TNS1: variants seen among roughly 807,000 people sequenced by gnomAD.
The protein encoded by TNS1 is tensin 1.
In TNS1, 62 loss-of-function variants were observed where a neutral mutation model predicts 168.6. The ratio of observed to expected loss-of-function variants is 0.37; its 90% CI spans 0.30 to 0.45. The LOEUF (loss-of-function observed/expected upper bound fraction) is 0.45. TNS1 is among the 20% of genes least tolerant of loss of function. TNS1 has a pLI of 1.00. For missense variants in TNS1, 2,240 were observed against 2,339.4 expected (o/e 0.96, Z 0.88); for synonymous variants, 934 against 933.2 (o/e 1.00, Z -0.02).
intron 18 of TNS1, chr2:217,859,777 TCCGAGAG>T: frequency 8.4e-7 from 1 of 1,193,148 alleles, no homozygotes; most frequent in Non-Finnish European, 1.2e-6. Context: ...ACCACCCAGA[TCCGAGAG>T]CCATGCAGCT....
At chr2:217,962,336 G>A (rs1296257060) in intron 3 of TNS1, among the ~76,000 whole-genome samples, 3 of 152,188 alleles carry the variant, frequency 2.0e-5, no homozygotes, top group African/African-American at 7.2e-5. Flanking sequence ...CCAGCTACTT[G>A]GGAGGCTGAG....
intron 1 of TNS1, among the ~76,000 whole-genome samples, chr2:218,020,826 G>A (rs1314439370): frequency 6.6e-6 from 1 of 152,182 alleles, no homozygotes; most frequent in African/African-American, 2.4e-5. Context: ...ATACCCCAGA[G>A]CAACCAATCC....
chr2:217,810,994 T>A (rs1214384964), intron 28 of TNS1, among the ~76,000 whole-genome samples: 1 of 152,016 alleles, frequency 6.6e-6, no homozygotes, highest in East Asian at 1.9e-4. Context: ...TTATCCCACA[T>A]TAGCCTCCAG....
chr2:217,875,567 G>C (rs1382028909), intron 18 of TNS1, among the ~76,000 whole-genome samples: 2 of 152,094 alleles, frequency 1.3e-5, no homozygotes, highest in Non-Finnish European at 2.9e-5. Flanking sequence ...ATCTATCCAT[G>C]CCTGTCTATC....
chr2:218,004,259 T>A (rs1958629160), upstream of TNS1, among the ~76,000 whole-genome samples: 1 of 152,230 alleles, frequency 6.6e-6, no homozygotes, highest in Admixed American at 6.5e-5. Context: ...GAGACCTCGT[T>A]CCTAGACTGA....
intron 1 of TNS1, among the ~76,000 whole-genome samples, chr2:218,017,988 G>A (rs1224510819): frequency 2.0e-5 from 3 of 152,220 alleles, no homozygotes; most frequent in Non-Finnish European, 4.4e-5. Context: ...CCAGAAGGTT[G>A]AGGCCAAAAC....
At position 217,901,708 on chromosome 2, in the gene TNS1, A is replaced by G. The variant is rs893764279; in HGVS notation, c.322-1196T>C. The G allele has an allele frequency of 2.0e-5, 3 of 152,136 alleles. No homozygotes were observed. The South Asian group carries it at 6.2e-4, about 32-fold the overall frequency. The allele number at this position is 152,136 out of a possible 1,614,324, so 9.4% of individuals were successfully genotyped here. A position where few individuals can be genotyped will look rare whatever the true frequency, so the allele number is the denominator to read the frequency against. On this transcript the variant is annotated intron_variant, in intron 6 of 32. Transcript: ENST00000682258. ...AAGAAACTGAGGCACAGAATAACTT[A>G]CCCTCAAGTCCCTGGGAAGTTGACG... is the stretch of plus-strand genomic sequence containing the variant.
chr2:217,910,713 T>TACATAC (rs1954284960), intron 4 of TNS1, among the ~76,000 whole-genome samples: 3 of 106,740 alleles, frequency 2.8e-5, no homozygotes, highest in South Asian at 3.5e-4. Context: ...CACATACACA[T>TACATAC]ACACACACAC....
At chr2:217,810,221 T>C in intron 29 of TNS1, 27 bp downstream of exon 29, 4 of 1,612,826 alleles carry the variant, frequency 2.5e-6, no homozygotes, top group Non-Finnish European at 3.4e-6. Flanking sequence ...GGCCTGGGCA[T>C]GGGTACAGTT....
At chr2:218,023,139 G>A (rs971247144) in intron 1 of TNS1, among the ~76,000 whole-genome samples, 9 of 152,198 alleles carry the variant, frequency 5.9e-5, no homozygotes, top group African/African-American at 1.7e-4. Flanking sequence ...GCTACCAAGG[G>A]ACCATTGAGA....
intron 3 of TNS1, among the ~76,000 whole-genome samples, chr2:217,942,885 C>T (rs1223763043): frequency 2.6e-5 from 4 of 152,136 alleles, no homozygotes; most frequent in Non-Finnish European, 5.9e-5. Context: ...CAGGCTTCTC[C>T]GGGTCCCCCC....
At chr2:217,806,874 G>A (rs1374769031) in intron 32 of TNS1, among the ~76,000 whole-genome samples, 1 of 152,208 alleles carries the variant, frequency 6.6e-6, no homozygotes, top group East Asian at 1.9e-4. Flanking sequence ...CCCTTGGGGA[G>A]CTTGCAGGCT....
intron 3 of TNS1, among the ~76,000 whole-genome samples, chr2:217,950,742 C>T (rs952507291): frequency 5.9e-5 from 9 of 151,434 alleles, no homozygotes; most frequent in Admixed American, 3.3e-4. Flanking sequence ...TCTTCTCTTC[C>T]TTCTTCTGTT....
chr2:217,882,465 C>T, intron 16 of TNS1, 54 bp from the exon 17 acceptor site: 6 of 1,318,910 alleles, frequency 4.5e-6, no homozygotes, highest in Non-Finnish European at 6.4e-6. Context: ...AAAAGGATTC[C>T]ATAAAAAGTT....
In TNS1 at chr2:217,917,829, CAA is replaced by C. The variant is rs79888115; in HGVS notation, c.228+2364_228+2365del. Among the ~76,000 whole-genome samples, 48 of 75,952 alleles carry C rather than the reference CAA, an allele frequency of 6.3e-4. No homozygotes were observed. In the East Asian group the frequency reaches 6.7e-3, roughly 11 times the overall value. 49.8% of individuals were successfully genotyped at this position (75,952 alleles called of 152,430 possible). A position where few individuals can be genotyped will look rare whatever the true frequency, so the allele number is the denominator to read the frequency against. ...CTGGGCAACACAGTGAGACTGTTCT[CAA>C]AAAAAAAAAAAAAAAAAGACTTGCG... On this transcript the variant is annotated intron_variant, in intron 4 of 32. Coordinates refer to ENST00000682258, the MANE Select transcript of TNS1 (RefSeq NM_001387777.1).
chr2:217,966,717 G>C (rs1042225079), intron 3 of TNS1, among the ~76,000 whole-genome samples: 2 of 152,180 alleles, frequency 1.3e-5, no homozygotes, highest in Non-Finnish European at 2.9e-5. Flanking sequence ...AGGGAACACT[G>C]ACCCATTGCT....
Position 217,822,090 on chromosome 2 carries a change from C to G in TNS1, c.3374-152G>C, listed in dbSNP as rs1319857848. 2.5e-5 allele frequency: 20 copies of G among 806,138 alleles called. 1 individual carries two copies. The highest frequency in any genetic ancestry group is 3.8e-5 in the Non-Finnish European group (20 of 529,918). 49.9% of individuals were successfully genotyped at this position (806,138 alleles called of 1,614,324 possible). A position where few individuals can be genotyped will look rare whatever the true frequency, so the allele number is the denominator to read the frequency against. The stretch of plus-strand genomic sequence containing the variant: ...AGGACAGGCAGGGCTCCTGCCTGCC[C>G]AGACCCACCCTGCCCTGCAGTGACC... On this transcript the variant is annotated intron_variant, in intron 22 of 32. Transcript: ENST00000682258.
chr2:217,920,085 T>C (rs529032650), intron 4 of TNS1, 110 bp downstream of exon 4: 1 of 695,512 alleles, frequency 1.4e-6, no homozygotes, highest in East Asian at 2.7e-5. Context: ...CTCCACCTAA[T>C]TGTCCGACAC....
intron 24 of TNS1, among the ~76,000 whole-genome samples, chr2:217,815,896 G>A (rs1941820951): frequency 6.6e-6 from 1 of 152,038 alleles, no homozygotes; most frequent in Non-Finnish European, 1.5e-5. Context: ...CTTCTCTTTG[G>A]ATCAAACAGG....
Sources: allele counts gnomAD v4.1 joint callset (sites outside exome capture counted in the v4.1 genomes callset), GRCh38; gene constraint gnomAD v4.1.1; transcripts MANE v1.5; gene names NCBI Gene and HGNC (gene_info 2026-07-23, HGNC 2026-07-21).